Variants in OTUD7A observed in about 807,000 individuals in gnomAD.
OTUD7A encodes OTU domain-containing protein 7A.
OTUD7A carries 12 observed loss-of-function variants against 65.7 expected under a neutral mutation model. The observed-to-expected ratio is 0.18, with a 90% CI of 0.12 to 0.30. The LOEUF (loss-of-function observed/expected upper bound fraction) is 0.30. Among genes scored for constraint, OTUD7A ranks in the 10% least tolerant of loss-of-function variants. The pLI is 1.00. For missense variants in OTUD7A, 1,148 were observed against 1,304.8 expected (o/e 0.88, Z 1.85); for synonymous variants, 641 against 586.3 (o/e 1.09, Z -1.35).
intron 1 of OTUD7A, among the ~76,000 whole-genome samples, chr15:31,759,925 A>T (rs1894917193): frequency 6.6e-6 from 1 of 152,198 alleles, no homozygotes; most frequent in Non-Finnish European, 1.5e-5. Flanking sequence ...ACATCACTGG[A>T]AAAAAATCTT....
chr15:31,555,279 A>G (rs1595606778), intron 5 of OTUD7A, among the ~76,000 whole-genome samples: 1 of 152,170 alleles, frequency 6.6e-6, no homozygotes, highest in East Asian at 1.9e-4. Flanking sequence ...GACAGAAATA[A>G]TGTTTCCTGC....
At chr15:31,708,230 CGGT>C (rs1463513314) in intron 1 of OTUD7A, among the ~76,000 whole-genome samples, 3 of 151,964 alleles carry the variant, frequency 2.0e-5, no homozygotes, top group Admixed American at 6.6e-5. Context: ...TTCTAACATC[CGGT>C]GGTGGTAAAG....
chr15:31,614,089 G>A (rs147963211), intron 3 of OTUD7A, among the ~76,000 whole-genome samples: 2 of 152,258 alleles, frequency 1.3e-5, no homozygotes, highest in East Asian at 1.9e-4. Context: ...TGATATGTAG[G>A]AGCTAAGCTA....
At chr15:31,832,205 G>T (rs1029052744) in intron 1 of OTUD7A, among the ~76,000 whole-genome samples, 2 of 152,182 alleles carry the variant, frequency 1.3e-5, no homozygotes, top group Admixed American at 1.3e-4. Flanking sequence ...TGCCTCCTCC[G>T]CTGGGGCTCT....
chr15:31,501,708 C>G lies in OTUD7A; in HGVS notation c.1153G>C (p.Asp385His). 1 of 1,614,226 alleles carries G rather than the reference C, an allele frequency of 6.2e-7. No homozygotes were observed. Among genetic ancestry groups the G allele is most frequent in the Non-Finnish European group, 8.5e-7 (1 of 1,180,046 alleles). ...GGCATACCTTGTTCTCTTTGCTGGTCTCTCTGTTCCATGGACACAAGGGCA... is the reference window on the plus strand; with the variant it reads ...GGCATACCTTGTTCTCTTTGCTGGTGTCTCTGTTCCATGGACACAAGGGCA... The part of the protein sequence containing the change: ...FSALVSMEQR[D>H]QQREQAVIPL... Residue 385 changes from aspartate to histidine, a missense_variant, in exon 10 of 13, where the codon GAC (aspartate) becomes CAC (histidine). Asp to His is a moderately conservative substitution (Grantham distance 81). This residue lies in a region of OTUD7A where 58 missense variants were observed against 131.4 expected (regional missense o/e 0.44). Coordinates refer to ENST00000307050, the MANE Select transcript of OTUD7A (RefSeq NM_001382637.1).
intron 3 of OTUD7A, among the ~76,000 whole-genome samples, chr15:31,627,341 T>C (rs1386158968): frequency 6.7e-6 from 1 of 149,022 alleles, no homozygotes; most frequent in Non-Finnish European, 1.5e-5. Flanking sequence ...ACATGCAGTG[T>C]TTGGTTTTTT....
intron 3 of OTUD7A, among the ~76,000 whole-genome samples, chr15:31,594,159 A>G (rs1384838095): frequency 6.6e-6 from 1 of 152,206 alleles, no homozygotes; most frequent in African/African-American, 2.4e-5. Context: ...AAATTAAAGT[A>G]TGCTTGCTGA....
intron 1 of OTUD7A, among the ~76,000 whole-genome samples, chr15:31,806,249 C>T (rs777394592): frequency 6.6e-6 from 1 of 152,158 alleles, no homozygotes; most frequent in Non-Finnish European, 1.5e-5. Flanking sequence ...GCACATGGCT[C>T]ATCTTGCAAT....
chr15:31,588,640 A>T (rs1889619192), intron 3 of OTUD7A, among the ~76,000 whole-genome samples: 1 of 152,222 alleles, frequency 6.6e-6, no homozygotes, highest in South Asian at 2.1e-4. Context: ...GAGCTTAAAC[A>T]CAAAAGGCCT....
At chr15:31,503,539 G>A in intron 9 of OTUD7A, 152 bp downstream of exon 9, 2 of 1,080,786 alleles carry the variant, frequency 1.9e-6, no homozygotes, top group Non-Finnish European at 2.7e-6. Flanking sequence ...GCTGCCATCA[G>A]GGAGGAGAAA....
chr15:31,684,153 T>TA (rs1481766425), intron 1 of OTUD7A, among the ~76,000 whole-genome samples: 1 of 152,216 alleles, frequency 6.6e-6, no homozygotes, highest in Non-Finnish European at 1.5e-5. Flanking sequence ...TGCCTCTAGT[T>TA]AAGCCTCCCT....
rs537223924 is a variant in OTUD7A, at chr15:31,629,235, T to C, written c.151+25861A>G. ...TATGATATTGGCTGTGGGTTTGTCATAGATAGCTCTTAATATTTTGAGATA... is the reference window on the plus strand; with the variant it reads ...TATGATATTGGCTGTGGGTTTGTCACAGATAGCTCTTAATATTTTGAGATA... On this transcript the variant is annotated intron_variant, in intron 3 of 12. Transcript: ENST00000307050. 1.7e-4 allele frequency among the ~76,000 whole-genome samples: 26 copies of C among 152,324 alleles called. No individual in the cohort carries two copies. The East Asian group carries it at 4.6e-3, about 27-fold the overall frequency.
At chr15:31,736,641 G>A (rs1225308216) in intron 1 of OTUD7A, among the ~76,000 whole-genome samples, 1 of 152,116 alleles carries the variant, frequency 6.6e-6, no homozygotes, top group Non-Finnish European at 1.5e-5. Context: ...GGGAAGAGTA[G>A]TTTATTTAAC....
chr15:31,613,999 AG>A lies in OTUD7A; in HGVS notation c.151+41096del, dbSNP rs527348547. ...AAGGGAATGAATCAAAGGCATTCGC[AG>A]CAACCTGGATAAGATTGGAGACTAT... On this transcript the variant is annotated intron_variant, in intron 3 of 12. Transcript: ENST00000307050. Among the ~76,000 whole-genome samples, 23 of 152,338 alleles carry A rather than the reference AG, an allele frequency of 1.5e-4. No individual in the cohort carries two copies. In the South Asian group the frequency reaches 4.8e-3, roughly 32 times the overall value.
chr15:31,499,046 A>AG (rs1355980229), intron 10 of OTUD7A, among the ~76,000 whole-genome samples: 5 of 152,244 alleles, frequency 3.3e-5, no homozygotes, highest in Non-Finnish European at 4.4e-5. Flanking sequence ...GCACTCGATG[A>AG]GAAGTTTAAA....
At chr15:31,489,843 T>A (rs1321146035) in intron 10 of OTUD7A, among the ~76,000 whole-genome samples, 1 of 152,224 alleles carries the variant, frequency 6.6e-6, no homozygotes. Context: ...CTCCTTGGGC[T>A]GCCCAGGGCT....
At chr15:31,528,465 T>C (rs1248317978) in intron 6 of OTUD7A, among the ~76,000 whole-genome samples, 3 of 152,198 alleles carry the variant, frequency 2.0e-5, no homozygotes, top group Non-Finnish European at 2.9e-5. Flanking sequence ...AGGAGAGTAA[T>C]GTGAACTGAT....
intron 3 of OTUD7A, among the ~76,000 whole-genome samples, chr15:31,633,888 T>C (rs1193298614): frequency 6.6e-6 from 1 of 152,120 alleles, no homozygotes; most frequent in East Asian, 1.9e-4. Context: ...GCTGCCCTCT[T>C]CTCTCCGGAC....
At chr15:31,538,967 G>A (rs1286385809) in intron 5 of OTUD7A, among the ~76,000 whole-genome samples, 1 of 152,098 alleles carries the variant, frequency 6.6e-6, no homozygotes, top group Non-Finnish European at 1.5e-5. Flanking sequence ...CAAATCTTCA[G>A]ATAAATGATA....
Sources: allele counts gnomAD v4.1 joint callset (sites outside exome capture counted in the v4.1 genomes callset), GRCh38; gene constraint gnomAD v4.1.1; regional missense constraint gnomAD v4.1.1; transcripts MANE v1.5; gene names NCBI Gene and HGNC (gene_info 2026-07-23, HGNC 2026-07-21).